The following DLG2 variants were observed in gnomAD, a reference collection of about 807,000 sequenced individuals.
DLG2 encodes disks large homolog 2.
DLG2 carries 45 observed loss-of-function variants against 132.5 expected under a neutral mutation model. That is an observed-to-expected ratio of 0.34 (90% CI 0.27 to 0.44). DLG2 has a LOEUF of 0.44. DLG2 is among the 20% of genes least tolerant of loss of function. The pLI is 1.00. For missense variants in DLG2, 1,045 were observed against 1,196.9 expected, an observed-to-expected ratio of 0.87 and a Z score of 1.87; for synonymous variants, 424 against 419.6, an observed-to-expected ratio of 1.01 and a Z score of -0.13.
At chr11:85,587,810 C>T (rs943390484) in intron 3 of DLG2, among the ~76,000 whole-genome samples, 2 of 152,026 alleles carry the variant, frequency 1.3e-5, no homozygotes, top group Non-Finnish European at 2.9e-5. Context: ...TACACTTTAA[C>T]GAGGTTCTAT....
intron 12 of DLG2, among the ~76,000 whole-genome samples, chr11:83,976,201 T>C (rs1290773132): frequency 6.6e-6 from 1 of 151,934 alleles, no homozygotes; most frequent in African/African-American, 2.4e-5. Flanking sequence ...AGAGGGCAGT[T>C]GCTAGGAGAC....
chr11:83,768,568 C>G lies in DLG2; in HGVS notation c.1825+18122G>C, dbSNP rs142646088. On this transcript the variant is annotated intron_variant, in intron 18 of 27. Transcript: ENST00000376104. ...AACCATAATCACTACCCTCTTCCCT[C>G]AATTGCTCAGATAGTTGGTGTATAT... is the stretch of plus-strand genomic sequence containing the variant. Among the ~76,000 whole-genome samples the G allele has an allele frequency of 1.5e-3, 233 of 152,332 alleles. 1 individual carries two copies. Among genetic ancestry groups the G allele is most frequent in the African/African-American group, 5.4e-3 (223 of 41,562 alleles).
intron 18 of DLG2, among the ~76,000 whole-genome samples, chr11:83,757,040 C>T (rs1172337055): frequency 7.9e-5 from 12 of 152,156 alleles, no homozygotes; most frequent in Non-Finnish European, 1.8e-4. Flanking sequence ...TAATAGTTAT[C>T]ACCTGTCCTA....
intron 4 of DLG2, among the ~76,000 whole-genome samples, chr11:85,249,382 T>C (rs1315925205): frequency 2.0e-5 from 3 of 151,894 alleles, no homozygotes; most frequent in East Asian, 3.8e-4. Flanking sequence ...TTTTAGCCTA[T>C]ATATATCTGT....
At chr11:84,232,658 A>G (rs2097108889) in intron 8 of DLG2, among the ~76,000 whole-genome samples, 1 of 152,178 alleles carries the variant, frequency 6.6e-6, no homozygotes, top group Non-Finnish European at 1.5e-5. Context: ...GACACAGCAG[A>G]AGGATGGTTA....
chr11:83,753,848 T>TGTC (rs1325098065), intron 18 of DLG2, among the ~76,000 whole-genome samples: 3 of 11,324 alleles, frequency 2.6e-4, no homozygotes, highest in African/African-American at 1.6e-3. Context: ...ATATATCATA[T>TGTC]ATATCATATA....
At chr11:83,899,382 T>C (rs374099790) in intron 15 of DLG2, among the ~76,000 whole-genome samples, 6 of 152,206 alleles carry the variant, frequency 3.9e-5, no homozygotes, top group African/African-American at 1.4e-4. Flanking sequence ...TCTGGAGGTG[T>C]GAAGTGATGT....
intron 5 of DLG2, among the ~76,000 whole-genome samples, chr11:85,145,283 G>T (rs1004315710): frequency 1.3e-5 from 2 of 151,940 alleles, no homozygotes; most frequent in Non-Finnish European, 2.9e-5. Flanking sequence ...TTGGGAATTT[G>T]ATTATTAAAT....
chr11:84,251,348 T>A, intron 7 of DLG2, 57 bp from the exon 8 acceptor site: 1 of 1,296,284 alleles, frequency 7.7e-7, no homozygotes, highest in East Asian at 2.7e-5. Context: ...TGAGACAGAT[T>A]ATTTCTGTTA....
intron 7 of DLG2, among the ~76,000 whole-genome samples, chr11:84,533,943 G>T (rs963836325): frequency 2.5e-5 from 3 of 119,472 alleles, no homozygotes; most frequent in Non-Finnish European, 3.5e-5. Flanking sequence ...AAAAATCAGA[G>T]TAATTTGCAC....
At chr11:85,293,326 C>T (rs144116564) in intron 3 of DLG2, among the ~76,000 whole-genome samples, 28 of 152,166 alleles carry the variant, frequency 1.8e-4, no homozygotes, top group African/African-American at 5.5e-4. Flanking sequence ...GGGAGGCGAA[C>T]GCAGGAGATA....
At chr11:84,570,706 G>T (rs1445871776) in intron 6 of DLG2, among the ~76,000 whole-genome samples, 1 of 152,132 alleles carries the variant, frequency 6.6e-6, no homozygotes, top group Non-Finnish European at 1.5e-5. Flanking sequence ...ACAGTTCCTT[G>T]ATTTCCATTA....
Position 83,609,110 on chromosome 11 carries a change from A to G in DLG2, c.1940+24101T>C, listed in dbSNP as rs556243567. Among the ~76,000 whole-genome samples the G allele has an allele frequency of 3.5e-4, 54 of 152,322 alleles. 2 individuals are homozygous for G. The highest frequency in any genetic ancestry group is 1.3e-3 in the African/African-American group (52 of 41,576). ...ATCAAATCATAGGATGAATTAAATC[A>G]GAGATGAAAGTGACCAAAAAGGAGA... is the stretch of plus-strand genomic sequence containing the variant. On this transcript the variant is annotated intron_variant, in intron 19 of 27. Transcript: ENST00000376104.
intron 4 of DLG2, among the ~76,000 whole-genome samples, chr11:85,261,559 A>T (rs1252766556): frequency 6.6e-6 from 1 of 152,102 alleles, no homozygotes; most frequent in Non-Finnish European, 1.5e-5. Flanking sequence ...GAATTAGGAT[A>T]TTGGATCTTG....
chr11:83,927,104 G>A (rs1031187440), intron 15 of DLG2, among the ~76,000 whole-genome samples: 8 of 152,094 alleles, frequency 5.3e-5, no homozygotes, highest in East Asian at 3.9e-4. Context: ...TAGGTAAAGC[G>A]CAGCTTGAGC....
At chr11:84,767,168 T>TTA (rs2068541224) in intron 6 of DLG2, among the ~76,000 whole-genome samples, 1 of 152,070 alleles carries the variant, frequency 6.6e-6, no homozygotes, top group Non-Finnish European at 1.5e-5. Flanking sequence ...GCACAAAGTG[T>TTA]AATAATACAG....
intron 3 of DLG2, among the ~76,000 whole-genome samples, chr11:85,418,062 C>G (rs1375467585): frequency 6.6e-6 from 1 of 152,126 alleles, no homozygotes; most frequent in East Asian, 1.9e-4. Context: ...CTCACTTTCT[C>G]CTGTGGACAT....
At chr11:83,734,670 T>G (rs145794756) in intron 18 of DLG2, among the ~76,000 whole-genome samples, 5 of 152,096 alleles carry the variant, frequency 3.3e-5, no homozygotes, top group African/African-American at 1.2e-4. Flanking sequence ...AGGCTCATCT[T>G]GAACTCATGA....
intron 14 of DLG2, among the ~76,000 whole-genome samples, chr11:83,931,671 G>A (rs887593949): frequency 6.6e-6 from 1 of 152,150 alleles, no homozygotes; most frequent in Non-Finnish European, 1.5e-5. Flanking sequence ...ATGAGATCCT[G>A]TATTTTGTCC....
Sources: allele counts gnomAD v4.1 joint callset (sites outside exome capture counted in the v4.1 genomes callset), GRCh38; gene constraint gnomAD v4.1.1; transcripts MANE v1.5; gene names NCBI Gene and HGNC (gene_info 2026-07-23, HGNC 2026-07-21).